Variants in BTBD9 observed in about 807,000 individuals in gnomAD.
The protein encoded by BTBD9 is BTB/POZ domain-containing protein 9.
In BTBD9, 49 loss-of-function variants were observed where a neutral mutation model predicts 64.3. The ratio of observed to expected loss-of-function variants is 0.76; its 90% CI spans 0.61 to 0.97. The LOEUF (loss-of-function observed/expected upper bound fraction) is 0.97, where lower values mean the gene tolerates loss of function less well. Ranked by LOEUF, BTBD9 falls within the 50% of genes least tolerant of loss-of-function variation. The pLI is 0.00. For missense variants in BTBD9, 598 were observed against 762.1 expected (o/e 0.78, Z 2.53); for synonymous variants, 260 against 274.7 (o/e 0.95, Z 0.53).
At chr6:38,540,646 G>A (rs1582601633) in intron 6 of BTBD9, among the ~76,000 whole-genome samples, 2 of 152,086 alleles carry the variant, frequency 1.3e-5, no homozygotes, top group East Asian at 3.9e-4. Context: ...CTAAACAAAG[G>A]CAGTATGTCT....
chr6:38,632,635 T>C lies in BTBD9; in HGVS notation c.-28+7165A>G, dbSNP rs144990994. ...CCTCCTCTAGAAAACTTGGCACCTA[T>C]ACATAAAGAAGTGGGGCTGGGTGCA... On this transcript the variant is annotated intron_variant, in intron 1 of 10. Transcript: ENST00000481247. 4.0e-4 allele frequency among the ~76,000 whole-genome samples: 61 copies of C among 152,278 alleles called. 1 individual carries two copies. The highest frequency in any genetic ancestry group is 1.3e-3 in the African/African-American group (54 of 41,566).
At chr6:38,398,216 A>C (rs1290949985) in intron 6 of BTBD9, among the ~76,000 whole-genome samples, 2 of 152,222 alleles carry the variant, frequency 1.3e-5, no homozygotes, top group Non-Finnish European at 2.9e-5. Flanking sequence ...ATGAAGCACA[A>C]TTTTAAAAAC....
At chr6:38,438,113 G>T (rs1768821257) in intron 6 of BTBD9, among the ~76,000 whole-genome samples, 1 of 150,646 alleles carries the variant, frequency 6.6e-6, no homozygotes, top group Admixed American at 6.7e-5. Context: ...AACATTTGTA[G>T]AAAGGATCTA....
At chr6:38,524,349 C>T (rs1773394293) in intron 6 of BTBD9, among the ~76,000 whole-genome samples, 1 of 151,998 alleles carries the variant, frequency 6.6e-6, no homozygotes, top group Admixed American at 6.5e-5. Context: ...GTAAGACATA[C>T]TGAAAAATTT....
chr6:38,483,250 A>C (rs190600602), intron 6 of BTBD9, among the ~76,000 whole-genome samples: 33 of 152,018 alleles, frequency 2.2e-4, no homozygotes, highest in East Asian at 1.9e-3. Context: ...ATGGCTCTTA[A>C]AGGACGCCAC....
intron 7 of BTBD9, among the ~76,000 whole-genome samples, chr6:38,291,187 C>T (rs747242702): frequency 3.3e-5 from 5 of 152,202 alleles, no homozygotes; most frequent in Non-Finnish European, 5.9e-5. Context: ...ACTTTATACT[C>T]TCTCCTTGAA....
chr6:38,301,223 G>T (rs1023796152), intron 7 of BTBD9, among the ~76,000 whole-genome samples: 3 of 152,176 alleles, frequency 2.0e-5, no homozygotes, highest in Non-Finnish European at 4.4e-5. Context: ...CTTGATCATG[G>T]TAGATAAGCT....
chr6:38,561,855 T>C (rs1053991418), intron 6 of BTBD9, among the ~76,000 whole-genome samples: 1 of 152,048 alleles, frequency 6.6e-6, no homozygotes, highest in Non-Finnish European at 1.5e-5. Flanking sequence ...ACAGGACCAT[T>C]TGTAACCTAA....
At chr6:38,502,699 G>C (rs2127401932) in intron 6 of BTBD9, among the ~76,000 whole-genome samples, 1 of 152,308 alleles carries the variant, frequency 6.6e-6, no homozygotes, top group African/African-American at 2.4e-5. Flanking sequence ...TCATTAATGA[G>C]CACACTGTGC....
intron 6 of BTBD9, among the ~76,000 whole-genome samples, chr6:38,558,586 G>A (rs1464185390): frequency 6.6e-6 from 1 of 152,036 alleles, no homozygotes; most frequent in Non-Finnish European, 1.5e-5. Flanking sequence ...CCTAGTTTGA[G>A]GTTTTTTATC....
intron 1 of BTBD9, among the ~76,000 whole-genome samples, chr6:38,620,792 T>G (rs1055826362): frequency 6.6e-6 from 1 of 152,172 alleles, no homozygotes. Flanking sequence ...CACCAACTTT[T>G]GCCAACTATG....
chr6:38,465,358 C>T (rs558564678), intron 6 of BTBD9, among the ~76,000 whole-genome samples: 12 of 150,956 alleles, frequency 7.9e-5, no homozygotes, highest in African/African-American at 2.7e-4. Context: ...TGGCTCACGC[C>T]TGTAATCCCA....
chr6:38,505,470 C>T (rs1264479565), intron 6 of BTBD9, among the ~76,000 whole-genome samples: 1 of 151,730 alleles, frequency 6.6e-6, no homozygotes, highest in Non-Finnish European at 1.5e-5. Flanking sequence ...ATTAAAAATA[C>T]AAAATTAGCC....
chr6:38,421,114 T>A (rs906102924), intron 6 of BTBD9, among the ~76,000 whole-genome samples: 1 of 151,928 alleles, frequency 6.6e-6, no homozygotes, highest in African/African-American at 2.4e-5. Flanking sequence ...CCCAACACTT[T>A]GGGAGGCCGA....
intron 9 of BTBD9, among the ~76,000 whole-genome samples, chr6:38,222,257 G>GTTTTTTTT (rs1156925177): frequency 1.7e-5 from 2 of 114,336 alleles, no homozygotes; most frequent in Non-Finnish European, 3.4e-5. Context: ...TCATTCAGTT[G>GTTTTTTTT]TTTTTTTTTT....
chr6:38,302,066 T>G lies in BTBD9; in HGVS notation c.1265-13605A>C, dbSNP rs534669044. 1.6e-4 allele frequency among the ~76,000 whole-genome samples: 24 copies of G among 152,300 alleles called. 1 individual carries two copies. In the South Asian group the frequency reaches 5.0e-3, roughly 32 times the overall value. ...TGTTTCGATACGTGTATACACTGTG[T>G]AAAAATCAAATCAGCATCTTCAGGA... On this transcript the variant is annotated intron_variant, in intron 7 of 10. Transcript: ENST00000481247.
intron 10 of BTBD9, chr6:38,179,707 G>A (rs1388897014): frequency 2.2e-6 from 1 of 456,768 alleles, no homozygotes. Flanking sequence ...CCTTCCTTAA[G>A]CCTGGACTGT....
intron 6 of BTBD9, among the ~76,000 whole-genome samples, chr6:38,363,627 A>G (rs971081130): frequency 6.6e-5 from 10 of 152,202 alleles, no homozygotes; most frequent in East Asian, 1.9e-4. Flanking sequence ...ATACACTCCA[A>G]TTCTATTGGC....
At chr6:38,297,462 C>G (rs1762201398) in intron 7 of BTBD9, among the ~76,000 whole-genome samples, 1 of 152,166 alleles carries the variant, frequency 6.6e-6, no homozygotes, top group Non-Finnish European at 1.5e-5. Flanking sequence ...GAGACCACAT[C>G]ATCATGTACA....
Sources: gnomAD v4.1 joint callset for allele counts (sites outside exome capture counted in the v4.1 genomes callset) on GRCh38, gnomAD v4.1.1 for gene constraint, MANE v1.5 for transcripts, NCBI Gene and HGNC (gene_info 2026-07-23, HGNC 2026-07-21) for gene names.